Variants in ZBTB38 observed in about 807,000 individuals in gnomAD.
The protein encoded by ZBTB38 is zinc finger and BTB domain containing 38.
In ZBTB38, 20 loss-of-function variants were observed where a neutral mutation model predicts 76.8. That is an observed-to-expected ratio of 0.26 (90% CI 0.18 to 0.38). ZBTB38 has a LOEUF of 0.38. Ranked by LOEUF, ZBTB38 falls within the 10% of genes least tolerant of loss-of-function variation. The pLI, the probability that ZBTB38 is intolerant of heterozygous loss-of-function variation, is 1.00. For missense variants in ZBTB38, 1,082 were observed against 1,482.3 expected, an observed-to-expected ratio of 0.73 and a Z score of 4.43; for synonymous variants, 504 against 544.2, an observed-to-expected ratio of 0.93 and a Z score of 1.03.
chr3:141,339,800 A>G (rs542338389), intron 1 of ZBTB38, among the ~76,000 whole-genome samples: 1 of 152,316 alleles, frequency 6.6e-6, no homozygotes, highest in East Asian at 1.9e-4. Context: ...AGACCTGCAG[A>G]TAGAAGTGTT....
chr3:141,341,420 A>G (rs902808221), intron 1 of ZBTB38, among the ~76,000 whole-genome samples: 1 of 152,266 alleles, frequency 6.6e-6, no homozygotes, highest in Non-Finnish European at 1.5e-5. Flanking sequence ...AAAAGTAGAA[A>G]TAAACCGAAC....
chr3:141,445,352 T>C lies in ZBTB38; in HGVS notation c.2964T>C (p.Asp988=), dbSNP rs1484468697. 6.2e-7 allele frequency: 1 copy of C among 1,614,054 alleles called. No individual in the cohort carries two copies. The highest frequency in any genetic ancestry group is 2.2e-5 in the East Asian group (1 of 44,864). ...EMPKLQCELC[D]GDKAVGAGNQ... Reference sequence around the variant, plus strand: ...CCAAGCTGCAGTGTGAACTCTGTGATGGAGACAAAGCAGTGGGGGCTGGAA... The same window carrying C: ...CCAAGCTGCAGTGTGAACTCTGTGACGGAGACAAAGCAGTGGGGGCTGGAA... The change falls in exon 6 of 6, where the codon GAT becomes GAC. Residue 988 remains aspartate, a synonymous_variant. Coordinates refer to ENST00000321464, the MANE Select transcript of ZBTB38 (RefSeq NM_001376113.1). The surrounding 1 kb of genome is among the most constrained non-coding windows in gnomAD (Gnocchi z 6.5).
intron 5 of ZBTB38, among the ~76,000 whole-genome samples, chr3:141,408,128 C>T (rs1455985706): frequency 2.0e-5 from 3 of 152,258 alleles, no homozygotes; most frequent in Non-Finnish European, 4.4e-5. Context: ...CTACATGACT[C>T]TGTCTTCTGG....
At chr3:141,335,762 G>A (rs911005072) in intron 1 of ZBTB38, among the ~76,000 whole-genome samples, 19 of 152,230 alleles carry the variant, frequency 1.2e-4, no homozygotes, top group African/African-American at 3.9e-4. Context: ...ACATCCGCAT[G>A]CTGTTTCATC....
chr3:141,412,568 T>C (rs995010013), intron 5 of ZBTB38, among the ~76,000 whole-genome samples: 1 of 152,146 alleles, frequency 6.6e-6, no homozygotes, highest in African/African-American at 2.4e-5. Context: ...GGAGTTTGTT[T>C]GGGGAGTTTT....
At position 141,442,978 on chromosome 3, in the gene ZBTB38, G is replaced by A. The variant is rs746087175; in HGVS notation, c.590G>A (p.Arg197Lys). 5.6e-6 allele frequency: 9 copies of A among 1,614,112 alleles called. No individual in the cohort carries two copies. The South Asian group carries it at 8.8e-5, about 16-fold the overall frequency. ...TTCAAAAAGGTCTCCGACTCCATGA[G>A]AACAGCTAGCCTTTGCCTGGAGAGG... is the stretch of plus-strand genomic sequence containing the variant. Reference protein sequence around the residue: ...ASFKKVSDSMRTASLCLERTD... With the variant: ...ASFKKVSDSMKTASLCLERTD... Residue 197 changes from arginine (R) to lysine (K), a missense_variant, in exon 6 of 6, where the codon AGA becomes AAA. Physicochemically the swap from Arg to Lys is conservative, Grantham distance 26. Transcript: ENST00000321464. The surrounding 1 kb of genome is among the most constrained non-coding windows in gnomAD (Gnocchi z 6.4).
intron 5 of ZBTB38, among the ~76,000 whole-genome samples, chr3:141,410,719 G>A (rs1352007061): frequency 1.3e-5 from 2 of 152,180 alleles, no homozygotes; most frequent in Non-Finnish European, 2.9e-5. Flanking sequence ...TTTTGACCTG[G>A]GAGAGACAGA....
At chr3:141,406,014 T>C (rs571961651) in intron 5 of ZBTB38, among the ~76,000 whole-genome samples, 3 of 152,098 alleles carry the variant, frequency 2.0e-5, no homozygotes, top group Non-Finnish European at 4.4e-5. Flanking sequence ...GCATTTGAGA[T>C]AGGAGGACTA....
At chr3:141,334,405 T>TTTCCTTCCTTCC (rs56692861) in intron 1 of ZBTB38, among the ~76,000 whole-genome samples, 38 of 130,160 alleles carry the variant, frequency 2.9e-4, no homozygotes, top group African/African-American at 1.1e-3. Context: ...TCCTTCCTTC[T>TTTCCTTCCTTCC]TTCCTTCCTT....
intron 2 of ZBTB38, among the ~76,000 whole-genome samples, chr3:141,371,045 C>CTTTCCTTTTTTTTTTT (rs1944498561): frequency 1.4e-5 from 1 of 72,006 alleles, no homozygotes; most frequent in African/African-American, 7.8e-5. Context: ...TTCTTTCTTT[C>CTTTCCTTTTTTTTTTT]TTTTTTTTTT....
chr3:141,445,447 A>C lies in ZBTB38; in HGVS notation c.3059A>C (p.Gln1020Pro). ...TGCGAGCTCTGCGCCAAGCAGTTCC[A>C]GAGCCCTTCCACACTCAAAATGCAC... ...YACELCAKQF[Q>P]SPSTLKMHMR... The change falls in exon 6 of 6, where the codon CAG (glutamine) becomes CCG (proline). Residue 1020 changes from glutamine (Q) to proline (P), a missense_variant. Coordinates refer to ENST00000321464, the MANE Select transcript of ZBTB38 (RefSeq NM_001376113.1). The surrounding 1 kb of genome is among the most constrained non-coding windows in gnomAD (Gnocchi z 6.5). 3 of 1,614,196 alleles carry C rather than the reference A, an allele frequency of 1.9e-6. No homozygotes were observed. Among genetic ancestry groups the C allele is most frequent in the Non-Finnish European group, 8.5e-7 (1 of 1,180,042 alleles).
At chr3:141,424,657 T>C (rs1184563408) in intron 5 of ZBTB38, among the ~76,000 whole-genome samples, 1 of 152,128 alleles carries the variant, frequency 6.6e-6, no homozygotes, top group Non-Finnish European at 1.5e-5. Context: ...TGCGTGTGTG[T>C]GTGTGTGTGG....
At chr3:141,414,445 C>A (rs555399547) in intron 5 of ZBTB38, among the ~76,000 whole-genome samples, 2 of 152,330 alleles carry the variant, frequency 1.3e-5, no homozygotes, top group South Asian at 4.1e-4. Context: ...TGAACCTTCT[C>A]CATGTCACCA....
chr3:141,410,120 T>C (rs1956149227), intron 5 of ZBTB38, among the ~76,000 whole-genome samples: 1 of 152,064 alleles, frequency 6.6e-6, no homozygotes, highest in South Asian at 2.1e-4. Context: ...AAAGCAGAGG[T>C]GCTGGGACAA....
At chr3:141,400,570 A>T (rs1294414120) in intron 4 of ZBTB38, among the ~76,000 whole-genome samples, 1 of 152,148 alleles carries the variant, frequency 6.6e-6, no homozygotes, top group Non-Finnish European at 1.5e-5. Flanking sequence ...ACCCATGGAA[A>T]ATTTCTAGGG....
At chr3:141,354,771 T>C (rs558916515) in intron 1 of ZBTB38, among the ~76,000 whole-genome samples, 8 of 152,250 alleles carry the variant, frequency 5.3e-5, no homozygotes, top group African/African-American at 1.2e-4. Context: ...AAAACTCTGA[T>C]TGAGTCAGAG....
chr3:141,422,990 T>C (rs2075720660), intron 5 of ZBTB38, among the ~76,000 whole-genome samples: 1 of 152,250 alleles, frequency 6.6e-6, no homozygotes, highest in South Asian at 2.1e-4. Context: ...CTGTATTACC[T>C]ATAATCCCGT....
At chr3:141,425,942 T>C (rs1487524462) in intron 5 of ZBTB38, among the ~76,000 whole-genome samples, 1 of 152,164 alleles carries the variant, frequency 6.6e-6, no homozygotes, top group Non-Finnish European at 1.5e-5. Context: ...GAGGCCTAAA[T>C]GGAATGATAT....
At chr3:141,434,974 A>C (rs1363135447) in intron 5 of ZBTB38, among the ~76,000 whole-genome samples, 1 of 152,086 alleles carries the variant, frequency 6.6e-6, no homozygotes. Context: ...TCTAATAAAA[A>C]ATTTAGAAAT....
Sources: allele counts gnomAD v4.1 joint callset (sites outside exome capture counted in the v4.1 genomes callset), GRCh38; gene constraint gnomAD v4.1.1; non-coding constraint Gnocchi (gnomAD v3.1); transcripts MANE v1.5; gene names NCBI Gene and HGNC (gene_info 2026-07-23, HGNC 2026-07-21).